The following HORMAD2 variants were observed in gnomAD, a reference collection of about 807,000 sequenced individuals.
The protein encoded by HORMAD2 is HORMA domain-containing protein 2.
HORMAD2 carries 45 observed loss-of-function variants against 38.8 expected under a neutral mutation model. That is an observed-to-expected ratio of 1.16 (90% CI 0.91 to 1.49). The LOEUF (loss-of-function observed/expected upper bound fraction) is 1.49, where lower values mean the gene tolerates loss of function less well. Among genes scored for constraint, HORMAD2 ranks in the 40% most tolerant of loss-of-function variants. The pLI, the probability that HORMAD2 is intolerant of heterozygous loss-of-function variation, is 0.00. For missense variants in HORMAD2, 338 were observed against 367.0 expected (o/e 0.92, Z 0.65); for synonymous variants, 126 against 122.8 (o/e 1.03, Z -0.17).
intron 1 of HORMAD2, among the ~76,000 whole-genome samples, chr22:30,087,776 C>T (rs528468198): frequency 6.6e-6 from 1 of 152,108 alleles, no homozygotes; most frequent in South Asian, 2.1e-4. Flanking sequence ...CAATAACTCA[C>T]TCACTTACTA....
At chr22:30,183,816 GA>G in the HORMAD2 span, among the ~76,000 whole-genome samples, 1 of 152,176 alleles carries the variant, frequency 6.6e-6, no homozygotes, top group East Asian at 1.9e-4. Context: ...AAGTTGTCCA[GA>G]AGCCTTCAAG....
intron 1 of HORMAD2, chr22:30,081,094 C>A (rs2068463435): frequency 6.6e-6 from 1 of 152,184 alleles, no homozygotes; most frequent in African/African-American, 2.4e-5. Context: ...CAGGATTAGC[C>A]AATCGCCAAA....
chr22:30,090,872 T>G (rs2068669357), intron 1 of HORMAD2, among the ~76,000 whole-genome samples: 1 of 152,238 alleles, frequency 6.6e-6, no homozygotes, highest in African/African-American at 2.4e-5. Flanking sequence ...TTGAACTATT[T>G]TAAAATATAC....
At chr22:30,126,317 C>T (rs1922860585) in intron 10 of HORMAD2, among the ~76,000 whole-genome samples, 3 of 151,948 alleles carry the variant, frequency 2.0e-5, no homozygotes, top group Admixed American at 6.6e-5. Flanking sequence ...TACAGGCGCC[C>T]GCCACCACAC....
At chr22:30,207,255 G>A in the HORMAD2 span, 3 of 340,712 alleles carry the variant, frequency 8.8e-6, no homozygotes, top group South Asian at 4.7e-5. Context: ...GACAAAGACT[G>A]ATTCTTTTCT....
At chr22:30,093,815 T>C (rs952454237) in intron 1 of HORMAD2, 101 bp from the exon 2 acceptor site, 2 of 559,878 alleles carry the variant, frequency 3.6e-6, no homozygotes, top group Non-Finnish European at 6.2e-6. Context: ...ATTTTAATTT[T>C]TTGTTTGCTT....
At chr22:30,192,297 T>C in the HORMAD2 span, 1 of 152,330 alleles carries the variant, frequency 6.6e-6, no homozygotes, top group Non-Finnish European at 1.5e-5. Flanking sequence ...GAGAGAGGTC[T>C]AGCATGGTGA....
At chr22:30,134,768 A>G (rs1923544625) in intron 10 of HORMAD2, among the ~76,000 whole-genome samples, 1 of 152,124 alleles carries the variant, frequency 6.6e-6, no homozygotes, top group Non-Finnish European at 1.5e-5. Context: ...CAATAAATTT[A>G]TATTGAGGCC....
At chr22:30,188,599 G>A in the HORMAD2 span, among the ~76,000 whole-genome samples, 246 of 152,316 alleles carry the variant, frequency 1.6e-3, 1 homozygote, top group African/African-American at 5.7e-3. Flanking sequence ...ATGCAACTGA[G>A]TTGTTCTTTC....
At chr22:30,166,266 A>G (rs909653455) in intron 10 of HORMAD2, among the ~76,000 whole-genome samples, 1 of 152,006 alleles carries the variant, frequency 6.6e-6, no homozygotes, top group African/African-American at 2.4e-5. Flanking sequence ...TCCCTAAGAA[A>G]TTTTCTATTT....
At position 30,176,266 on chromosome 22, in the gene HORMAD2, C is replaced by A. The variant is rs1196051657; in HGVS notation, c.*99C>A. On this transcript the variant is annotated 3_prime_UTR_variant, in exon 11 of 11. Coordinates refer to ENST00000336726, the MANE Select transcript of HORMAD2 (RefSeq NM_152510.4). Reference sequence around the variant, plus strand: ...GGAAAGTACATTCCTGTTACCAAAACCTTTTTCTAAATTTTTTGCTCAATT... The same window carrying A: ...GGAAAGTACATTCCTGTTACCAAAAACTTTTTCTAAATTTTTTGCTCAATT... 2 of 849,004 alleles carry A rather than the reference C, an allele frequency of 2.4e-6. No individual in the cohort carries two copies. The highest frequency in any genetic ancestry group is 5.4e-5 in the East Asian group (2 of 36,712). 52.6% of individuals were successfully genotyped at this position (849,004 alleles called of 1,614,324 possible). A position where few individuals can be genotyped will look rare whatever the true frequency, so the allele number is the denominator to read the frequency against.
At chr22:30,199,959 A>G in the HORMAD2 span, among the ~76,000 whole-genome samples, 1 of 152,028 alleles carries the variant, frequency 6.6e-6, no homozygotes, top group Non-Finnish European at 1.5e-5. Context: ...AAAATGCAAA[A>G]AAATTTTAGT....
chr22:30,169,842 ATGTTTTACTCCTTTCTTTCCT>A, intron 10 of HORMAD2, among the ~76,000 whole-genome samples: 3 of 152,252 alleles, frequency 2.0e-5, no homozygotes, highest in African/African-American at 7.2e-5. Context: ...AATTTTTGTC[ATGTTTTACTCCTTTCTTTCCT>A]TTACTGTACC....
intron 4 of HORMAD2, 127 bp downstream of exon 4, chr22:30,103,627 T>G (rs960461901): frequency 2.2e-5 from 11 of 508,682 alleles, no homozygotes; most frequent in Non-Finnish European, 3.4e-5. Flanking sequence ...TTTCCCTCTT[T>G]CTTTTTCTTT....
chr22:30,175,995 C>T (rs1926433124), intron 10 of HORMAD2, 68 bp from the exon 11 acceptor site: 1 of 1,012,250 alleles, frequency 9.9e-7, no homozygotes, highest in Non-Finnish European at 1.6e-6. Context: ...GTCTACCTGT[C>T]TTATATATGT....
intron 10 of HORMAD2, among the ~76,000 whole-genome samples, chr22:30,166,199 C>T (rs2123726484): frequency 6.6e-6 from 1 of 151,962 alleles, no homozygotes; most frequent in East Asian, 1.9e-4. Flanking sequence ...TAATAATATG[C>T]CTTTGTGTTT....
intron 5 of HORMAD2, among the ~76,000 whole-genome samples, chr22:30,108,359 G>C (rs1921363974): frequency 6.6e-6 from 1 of 152,102 alleles, no homozygotes; most frequent in African/African-American, 2.4e-5. Context: ...AGGCCTGTAT[G>C]ATCCCTATCT....
At position 30,085,039 on chromosome 22, in the gene HORMAD2, G is replaced by A. The variant is rs566264683; in HGVS notation, c.-38+4548G>A. ...CAGTCGCCTGTAGTCCCAGCTACTC[G>A]GGAGGCTGAGGCAGGAGGGTGGCAT... On this transcript the variant is annotated intron_variant, in intron 1 of 10. Coordinates refer to ENST00000336726, the MANE Select transcript of HORMAD2 (RefSeq NM_152510.4). Among the ~76,000 whole-genome samples the A allele has an allele frequency of 7.2e-5, 11 of 151,990 alleles. No homozygotes were observed. In the East Asian group the frequency reaches 1.4e-3, roughly 19 times the overall value.
rs1601509288 is a variant in HORMAD2, at chr22:30,095,188, T to C, written c.51+1185T>C. Among the ~76,000 whole-genome samples, 3 of 152,218 alleles carry C rather than the reference T, an allele frequency of 2.0e-5. No individual in the cohort carries two copies. In the South Asian group the frequency reaches 6.2e-4, roughly 31 times the overall value. On this transcript the variant is annotated intron_variant, in intron 2 of 10. Coordinates refer to ENST00000336726, the MANE Select transcript of HORMAD2 (RefSeq NM_152510.4). ...TGTATGGTGTTTACATAAAAGAGTGTTAATTAATTGGCTTAAAGAAAAATA... is the reference window on the plus strand; with the variant it reads ...TGTATGGTGTTTACATAAAAGAGTGCTAATTAATTGGCTTAAAGAAAAATA...
Sources: allele counts gnomAD v4.1 joint callset (sites outside exome capture counted in the v4.1 genomes callset), GRCh38; gene constraint gnomAD v4.1.1; transcripts MANE v1.5; gene names NCBI Gene and HGNC (gene_info 2026-07-23, HGNC 2026-07-21).